Variants in ZNF217 observed in about 807,000 individuals in gnomAD.
The protein encoded by ZNF217 is zinc finger protein 217.
Under a neutral mutation model 73.3 loss-of-function variants are expected in ZNF217, and 12 were observed. The ratio of observed to expected loss-of-function variants is 0.16; its 90% CI spans 0.10 to 0.27. The LOEUF is 0.27. Among genes scored for constraint, ZNF217 ranks in the 10% least tolerant of loss-of-function variants. The pLI, the probability that ZNF217 is intolerant of heterozygous loss-of-function variation, is 1.00. For synonymous variants in ZNF217, 588 were observed against 516.4 expected, an observed-to-expected ratio of 1.14 and a Z score of -1.88; for missense variants, 1,195 against 1,327.8, an observed-to-expected ratio of 0.90 and a Z score of 1.55.
chr20:53,578,144 G>C lies in ZNF217; in HGVS notation c.1483+190C>G, dbSNP rs367951428. ...AAAAAAGAAAGAAAAGAAATGAACT[G>C]CAAATAAGAACAATGGCTCAAGTTA... is the stretch of plus-strand genomic sequence containing the variant. On this transcript the variant is annotated intron_variant, in intron 3 of 5. Coordinates refer to ENST00000371471, the MANE Select transcript of ZNF217 (RefSeq NM_006526.3). Among the ~76,000 whole-genome samples the C allele has an allele frequency of 5.3e-5, 8 of 152,008 alleles. No homozygotes were observed. The East Asian group carries it at 1.2e-3, about 22-fold the overall frequency.
chr20:53,579,654 A>T (rs988818729), intron 2 of ZNF217, among the ~76,000 whole-genome samples: 2 of 152,246 alleles, frequency 1.3e-5, no homozygotes, highest in Non-Finnish European at 2.9e-5. Context: ...AACAAAGGAC[A>T]TGACATTTCC....
In ZNF217 at chr20:53,581,270, A is replaced by C. The variant is rs891358966; in HGVS notation, c.1366+191T>G. Among the ~76,000 whole-genome samples the C allele has an allele frequency of 1.3e-5, 2 of 152,134 alleles. No homozygotes were observed. Among genetic ancestry groups the C allele is most frequent in the African/African-American group, 4.8e-5 (2 of 41,414 alleles). Reference sequence around the variant, plus strand: ...CTTAACTCAACCCTGTTATTACAGAAATGAGAAAATTAAGGCCCTGAGAGG... The same window carrying C: ...CTTAACTCAACCCTGTTATTACAGACATGAGAAAATTAAGGCCCTGAGAGG... On this transcript the variant is annotated intron_variant, in intron 2 of 5. Coordinates refer to ENST00000371471, the MANE Select transcript of ZNF217 (RefSeq NM_006526.3). The surrounding 1 kb of genome is among the most constrained non-coding windows in gnomAD (Gnocchi z 4.9).
At chr20:53,593,267 C>A (rs1988947239) in intron 1 of ZNF217, among the ~76,000 whole-genome samples, 1 of 152,150 alleles carries the variant, frequency 6.6e-6, no homozygotes, top group South Asian at 2.1e-4. Context: ...GGATGCCCGT[C>A]CGGACGCATT....
chr20:53,581,769 T>C lies in ZNF217; in HGVS notation c.1058A>G (p.His353Arg). ...CACGGAGGGCGCTTCGCCGTGGGAG[T>C]GTTTGCACTTCTCTTTCTCTTGCGA... The part of the protein sequence containing the change: ...GLSQEKEKCK[H>R]SHGEAPSVDA... Residue 353 changes from histidine (H) to arginine (R), a missense_variant, in exon 2 of 6, where the codon CAC (histidine) becomes CGC (arginine). His to Arg is a conservative substitution (Grantham distance 29). Around this residue, in one of 9 missense-constraint regions of ZNF217, gnomAD observed 102 missense variants for 91.9 expected, o/e 1.11. Transcript: ENST00000371471. The surrounding 1 kb of genome is among the most constrained non-coding windows in gnomAD (Gnocchi z 4.9). 1 of 1,614,172 alleles carries C rather than the reference T, an allele frequency of 6.2e-7. No individual in the cohort carries two copies. The highest frequency in any genetic ancestry group is 8.5e-7 in the Non-Finnish European group (1 of 1,180,022).
rs775106801 is a variant in ZNF217 at position 53,582,458 on chromosome 20, G to A, written c.369C>T (p.Cys123=). Reference sequence around the variant, plus strand: ...CCTCACAGCTAAATTCATTTTCCTTGCAATTCTTTTCCTTGGGAGGTTCTG... The same window carrying A: ...CCTCACAGCTAAATTCATTTTCCTTACAATTCTTTTCCTTGGGAGGTTCTG... ...VRTEPPKEKN[C]KENEFSCEVC... is the part of the protein sequence containing the mutation. Residue 123 remains cysteine (C), a synonymous_variant, in exon 2 of 6, where the codon TGC becomes TGT. Transcript: ENST00000371471. This position sits in a 1 kb window ranked among gnomAD's most constrained non-coding sequence, Gnocchi z 4.8. The A allele has an allele frequency of 6.2e-7, 1 of 1,614,132 alleles. No homozygotes were observed. The highest frequency in any genetic ancestry group is 2.2e-5 in the East Asian group (1 of 44,880).
rs1987809209 is a variant in ZNF217, at chr20:53,567,814, A to G, written c.*1474T>C. Reference sequence around the variant, plus strand: ...AGCTAAGACTTCTATCAAGGAGGACATCTTACGTTGCATAATTTAAAAAAA... The same window carrying G: ...AGCTAAGACTTCTATCAAGGAGGACGTCTTACGTTGCATAATTTAAAAAAA... On this transcript the variant is annotated 3_prime_UTR_variant, in exon 6 of 6. Transcript: ENST00000371471. 1 of 152,542 alleles carries G rather than the reference A, an allele frequency of 6.6e-6. No individual in the cohort carries two copies. Among genetic ancestry groups the G allele is most frequent in the Non-Finnish European group, 1.5e-5 (1 of 68,020 alleles). The allele number at this position is 152,542 out of a possible 1,614,324, so 9.4% of individuals were successfully genotyped here.
At position 53,569,111 on chromosome 20, in the gene ZNF217, C is replaced by A; in HGVS notation, c.*177G>T. 3 of 1,291,886 alleles carry A rather than the reference C, an allele frequency of 2.3e-6. No homozygotes were observed. The highest frequency in any genetic ancestry group is 1.3e-5 in the South Asian group (1 of 76,320). 80.0% of individuals were successfully genotyped at this position (1,291,886 alleles called of 1,614,324 possible). ...CTATTTGGTACAAAAGTTAACAGAA[C>A]AACTTTACACAACTGTAGTGTTCCT... On this transcript the variant is annotated 3_prime_UTR_variant, in exon 6 of 6. Transcript: ENST00000371471.
chr20:53,588,831 T>C (rs1425816867), intron 1 of ZNF217, among the ~76,000 whole-genome samples: 1 of 152,216 alleles, frequency 6.6e-6, no homozygotes, highest in Non-Finnish European at 1.5e-5. Flanking sequence ...TAAAGTTGTA[T>C]ATCTGGCTCT....
intron 1 of ZNF217, among the ~76,000 whole-genome samples, chr20:53,590,160 A>AT (rs1487895589): frequency 6.6e-6 from 1 of 152,164 alleles, no homozygotes; most frequent in Non-Finnish European, 1.5e-5. Context: ...TATTACATTT[A>AT]TTTTATTAGT....
intron 4 of ZNF217, among the ~76,000 whole-genome samples, chr20:53,572,398 A>G (rs1014862024): frequency 6.6e-6 from 1 of 151,606 alleles, no homozygotes; most frequent in African/African-American, 2.4e-5. Context: ...TGGGCAACAG[A>G]GTGTGACCCT....
rs539724661 is a variant in ZNF217 at position 53,588,430 on chromosome 20, A to G, written c.-342-5262T>C. ...GCTATCCGTTTCTCCTATTACTACTACTTAACCAGTACAACCTTAAATATC... is the reference window on the plus strand; with the variant it reads ...GCTATCCGTTTCTCCTATTACTACTGCTTAACCAGTACAACCTTAAATATC... On this transcript the variant is annotated intron_variant, in intron 1 of 5. Transcript: ENST00000371471. Among the ~76,000 whole-genome samples, 47 of 152,158 alleles carry G rather than the reference A, an allele frequency of 3.1e-4. 1 individual carries two copies. The South Asian group carries it at 9.7e-3, about 32-fold the overall frequency.
chr20:53,575,933 T>C lies in ZNF217; in HGVS notation c.2831A>G (p.Lys944Arg). The C allele has an allele frequency of 6.2e-7, 1 of 1,614,214 alleles. No homozygotes were observed. The highest frequency in any genetic ancestry group is 8.5e-7 in the Non-Finnish European group (1 of 1,180,030). Residue 944 changes from lysine to arginine, a missense_variant, in exon 4 of 6, where the codon AAG (lysine) becomes AGG (arginine). Transcript: ENST00000371471. Reference protein sequence around the residue: ...ANYRRGYDLPKYHMVRGITSL... With the variant: ...ANYRRGYDLPRYHMVRGITSL... The stretch of plus-strand genomic sequence containing the variant: ...TGTGATGCCTCTGACCATATGGTAC[T>C]TGGGAAGGTCATAGCCTCTTCTGTA...
chr20:53,567,843 A>T lies in ZNF217; in HGVS notation c.*1445T>A, dbSNP rs949665665. 8 of 152,642 alleles carry T rather than the reference A, an allele frequency of 5.2e-5. No homozygotes were observed. Among genetic ancestry groups the T allele is most frequent in the African/African-American group, 1.4e-4 (6 of 41,548 alleles). The allele number at this position is 152,642 out of a possible 1,614,324, so 9.5% of individuals were successfully genotyped here. ...TACGTTGCATAATTTAAAAAAAAAA[A>T]ATTTTTTCTAGGATTACCCTTGCTC... On this transcript the variant is annotated 3_prime_UTR_variant, in exon 6 of 6. Transcript: ENST00000371471.
intron 2 of ZNF217, among the ~76,000 whole-genome samples, chr20:53,580,494 TA>T (rs1366402247): frequency 6.6e-6 from 1 of 152,162 alleles, no homozygotes; most frequent in Non-Finnish European, 1.5e-5. Context: ...AACAAAATAC[TA>T]AACTCTGATA....
intron 1 of ZNF217, among the ~76,000 whole-genome samples, chr20:53,589,208 A>T (rs1988799291): frequency 6.6e-6 from 1 of 152,228 alleles, no homozygotes. Context: ...TTCTATAGGA[A>T]GTACAGTCAT....
intron 1 of ZNF217, among the ~76,000 whole-genome samples, chr20:53,588,455 CTG>C: frequency 6.6e-6 from 1 of 152,042 alleles, no homozygotes; most frequent in East Asian, 1.9e-4. Context: ...CCTTAAATAT[CTG>C]TAAAAATTTG....
upstream of ZNF217, among the ~76,000 whole-genome samples, chr20:53,594,059 C>G (rs1346157927): frequency 6.9e-6 from 1 of 145,398 alleles, no homozygotes; most frequent in Non-Finnish European, 1.5e-5. Context: ...AAAAAAGGAG[C>G]GTCCCCCACC....
At chr20:53,572,611 T>C (rs1330249858) in intron 4 of ZNF217, 1 of 152,190 alleles carries the variant, frequency 6.6e-6, no homozygotes, top group Non-Finnish European at 1.5e-5. Flanking sequence ...CTGAAAGCAA[T>C]TGTTTTTTAA....
At chr20:53,593,179 G>A (rs907413909) in intron 1 of ZNF217, among the ~76,000 whole-genome samples, 20 of 151,946 alleles carry the variant, frequency 1.3e-4, no homozygotes, top group Non-Finnish European at 2.5e-4. Context: ...TCCGCGGCGA[G>A]GCCCAGCCCC....
Sources: gnomAD v4.1 joint callset for allele counts (sites outside exome capture counted in the v4.1 genomes callset) on GRCh38, gnomAD v4.1.1 for gene constraint, gnomAD v4.1.1 regional missense constraint, Gnocchi (gnomAD v3.1) non-coding constraint, MANE v1.5 for transcripts, NCBI Gene and HGNC (gene_info 2026-07-23, HGNC 2026-07-21) for gene names.